Variants in UNC5C observed in about 807,000 individuals in gnomAD.
UNC5C encodes unc-5 netrin receptor C.
Under a neutral mutation model 99.8 loss-of-function variants are expected in UNC5C, and 47 were observed. That is an observed-to-expected ratio of 0.47 (90% CI 0.37 to 0.60). The LOEUF (loss-of-function observed/expected upper bound fraction) is 0.60, where lower values mean the gene tolerates loss of function less well. Among genes scored for constraint, UNC5C ranks in the 20% least tolerant of loss-of-function variants. The pLI, the probability that UNC5C is intolerant of heterozygous loss-of-function variation, is 0.00. For missense variants in UNC5C, 1,062 were observed against 1,165.9 expected (o/e 0.91, Z 1.30); for synonymous variants, 487 against 452.2 (o/e 1.08, Z -0.98).
chr4:95,380,953 C>A (rs1038702872), intron 1 of UNC5C, among the ~76,000 whole-genome samples: 1 of 152,032 alleles, frequency 6.6e-6, no homozygotes, highest in Non-Finnish European at 1.5e-5. Context: ...CAATTTAAAA[C>A]CTTTGTTGCA....
At chr4:95,229,969 G>A (rs10856911) in intron 7 of UNC5C, among the ~76,000 whole-genome samples, 21 of 151,346 alleles carry the variant, frequency 1.4e-4, no homozygotes, top group Non-Finnish European at 2.8e-4. Context: ...TGCCACCATG[G>A]CCAACTAATT....
At chr4:95,345,910 TCAAA>T (rs991544019) in intron 1 of UNC5C, among the ~76,000 whole-genome samples, 3 of 151,708 alleles carry the variant, frequency 2.0e-5, no homozygotes, top group Non-Finnish European at 2.9e-5. Flanking sequence ...TAGAAAAACT[TCAAA>T]CAAACAACCT....
intron 14 of UNC5C, among the ~76,000 whole-genome samples, chr4:95,177,157 A>C (rs1260471305): frequency 1.3e-5 from 2 of 152,166 alleles, no homozygotes; most frequent in East Asian, 3.9e-4. Context: ...CTCCCTAGTG[A>C]GATGAACCCG....
rs1208781802 is a variant in UNC5C at position 95,448,227 on chromosome 4, TGAGAGA to T, written c.124+100501_124+100506del. Reference sequence around the variant, plus strand: ...GTGTGTGTGTGTGTGTGTGTGTGTGTGAGAGAGAGAGAGAGAGAGAGAGAGAGAGAG... The same window carrying T: ...GTGTGTGTGTGTGTGTGTGTGTGTGTGAGAGAGAGAGAGAGAGAGAGAGAG... On this transcript the variant is annotated intron_variant, in intron 1 of 15. Transcript: ENST00000453304. Among the ~76,000 whole-genome samples the T allele has an allele frequency of 5.3e-3, 526 of 100,134 alleles. 2 individuals carry two copies. The highest frequency in any genetic ancestry group is 0.034 in the Middle Eastern group (7 of 206). 65.7% of individuals were successfully genotyped at this position (100,134 alleles called of 152,430 possible). A position where few individuals can be genotyped will look rare whatever the true frequency, so the allele number is the denominator to read the frequency against.
intron 1 of UNC5C, among the ~76,000 whole-genome samples, chr4:95,516,610 G>A (rs1722227697): frequency 6.6e-6 from 1 of 152,158 alleles, no homozygotes; most frequent in Non-Finnish European, 1.5e-5. Flanking sequence ...AGTGGACGCT[G>A]GAGCCTTTAG....
At chr4:95,256,050 C>T (rs1739966999) in intron 4 of UNC5C, among the ~76,000 whole-genome samples, 1 of 152,120 alleles carries the variant, frequency 6.6e-6, no homozygotes, top group Non-Finnish European at 1.5e-5. Context: ...TCCTGACTTG[C>T]TTTCTCTGGA....
At chr4:95,377,976 C>T (rs111516400) in intron 1 of UNC5C, among the ~76,000 whole-genome samples, 226 of 152,286 alleles carry the variant, frequency 1.5e-3, no homozygotes, top group African/African-American at 5.1e-3. Context: ...GGCACAGGTT[C>T]CTTCCCCACC....
intron 1 of UNC5C, among the ~76,000 whole-genome samples, chr4:95,470,336 T>C (rs1328634840): frequency 6.6e-6 from 1 of 152,174 alleles, no homozygotes; most frequent in Non-Finnish European, 1.5e-5. Context: ...TTCAAACGCA[T>C]GTTGTTCAAG....
chr4:95,296,179 A>T (rs1560774664), intron 3 of UNC5C, among the ~76,000 whole-genome samples: 1 of 152,218 alleles, frequency 6.6e-6, no homozygotes. Flanking sequence ...GTACAGAGAG[A>T]ATTTGAAAAT....
rs117505577 is a variant in UNC5C at position 95,534,115 on chromosome 4, T to C, written c.124+14619A>G. ...CCTACAGCACAGCACTTGAGGAAGT[T>C]GGGGAGGAGGGTTGGGCTAAAAAAA... is the stretch of plus-strand genomic sequence containing the variant. On this transcript the variant is annotated intron_variant, in intron 1 of 15. Coordinates refer to ENST00000453304, the MANE Select transcript of UNC5C (RefSeq NM_003728.4). 1.7e-3 allele frequency among the ~76,000 whole-genome samples: 265 copies of C among 152,258 alleles called. 5 individuals are homozygous for C. The East Asian group carries it at 0.045, about 26-fold the overall frequency.
At chr4:95,414,374 G>A (rs1746099155) in intron 1 of UNC5C, among the ~76,000 whole-genome samples, 1 of 152,170 alleles carries the variant, frequency 6.6e-6, no homozygotes, top group Non-Finnish European at 1.5e-5. Context: ...AACACCTCCC[G>A]GGTGGCTTGC....
chr4:95,219,706 AAAAG>A (rs1171708032), intron 8 of UNC5C, among the ~76,000 whole-genome samples: 2 of 152,246 alleles, frequency 1.3e-5, no homozygotes, highest in East Asian at 3.8e-4. Context: ...GGAAGTTAAA[AAAAG>A]AGACTCAAGA....
At chr4:95,500,422 A>C (rs74495519) in intron 1 of UNC5C, among the ~76,000 whole-genome samples, 1 of 152,098 alleles carries the variant, frequency 6.6e-6, no homozygotes, top group Non-Finnish European at 1.5e-5. Flanking sequence ...TTCTAAAAAA[A>C]ACAAGCTAGT....
intron 1 of UNC5C, among the ~76,000 whole-genome samples, chr4:95,498,846 T>G (rs1329300961): frequency 6.6e-6 from 1 of 152,078 alleles, no homozygotes; most frequent in Non-Finnish European, 1.5e-5. Context: ...AAGACACATA[T>G]AATCGCTATT....
In UNC5C at chr4:95,168,497, A is replaced by T. The variant is rs1735945345; in HGVS notation, c.*737T>A. On this transcript the variant is annotated 3_prime_UTR_variant, in exon 16 of 16. Transcript: ENST00000453304. ...AACAAACACACATGTTGTGAAAAAA[A>T]TGCTTGTTTGTGGGGTTGAACATGA... The T allele has an allele frequency of 6.6e-6, 1 of 152,648 alleles. No homozygotes were observed. The highest frequency in any genetic ancestry group is 1.5e-5 in the Non-Finnish European group (1 of 68,034). The allele number at this position is 152,648 out of a possible 1,614,324, so 9.5% of individuals were successfully genotyped here.
At chr4:95,327,639 T>C (rs1482421527) in intron 2 of UNC5C, among the ~76,000 whole-genome samples, 1 of 152,102 alleles carries the variant, frequency 6.6e-6, no homozygotes, top group Non-Finnish European at 1.5e-5. Context: ...AACCTCATTG[T>C]TTTAAAATGT....
intron 1 of UNC5C, among the ~76,000 whole-genome samples, chr4:95,477,251 T>C (rs1342440974): frequency 6.6e-6 from 1 of 152,000 alleles, no homozygotes; most frequent in Non-Finnish European, 1.5e-5. Flanking sequence ...CATATATATA[T>C]ATAGGCAGGC....
chr4:95,460,845 C>T (rs1747580123), intron 1 of UNC5C, among the ~76,000 whole-genome samples: 1 of 152,130 alleles, frequency 6.6e-6, no homozygotes, highest in African/African-American at 2.4e-5. Context: ...CTGGGTCCAC[C>T]CACTATTACT....
chr4:95,186,457 T>C (rs1736833313), intron 12 of UNC5C, among the ~76,000 whole-genome samples: 1 of 152,138 alleles, frequency 6.6e-6, no homozygotes, highest in East Asian at 1.9e-4. Flanking sequence ...TTGAACGAAT[T>C]CTAACCCATG....
Sources: gnomAD v4.1 joint callset for allele counts (sites outside exome capture counted in the v4.1 genomes callset) on GRCh38, gnomAD v4.1.1 for gene constraint, MANE v1.5 for transcripts, NCBI Gene and HGNC (gene_info 2026-07-23, HGNC 2026-07-21) for gene names.